The following LRBA variants were observed in gnomAD, a reference collection of about 807,000 sequenced individuals.
LRBA encodes LPS responsive beige-like anchor protein.
Under a neutral mutation model 330.0 loss-of-function variants are expected in LRBA, and 176 were observed. The observed-to-expected ratio is 0.53, with a 90% CI of 0.47 to 0.60. LRBA has a LOEUF of 0.60. LRBA is among the 20% of genes least tolerant of loss of function. LRBA has a pLI of 0.00. For synonymous variants in LRBA, 1,230 were observed against 1,193.0 expected, an observed-to-expected ratio of 1.03 and a Z score of -0.64; for missense variants, 3,259 against 3,444.8, an observed-to-expected ratio of 0.95 and a Z score of 1.35.
Position 150,850,899 on chromosome 4 carries a change from A to G in LRBA, c.3829T>C (p.Ser1277Pro), listed in dbSNP as rs765914410. The G allele has an allele frequency of 1.2e-5, 20 of 1,604,930 alleles. No homozygotes were observed. Among genetic ancestry groups the G allele is most frequent in the Non-Finnish European group, 1.6e-5 (19 of 1,176,610 alleles). The change falls in exon 24 of 57, where the codon TCA becomes CCA. Residue 1277 changes from serine (S) to proline (P), a missense_variant. Coordinates refer to ENST00000651943, the MANE Select transcript of LRBA (RefSeq NM_001364905.1). ...PQPHRHVLEI[S>P]RQHEQPGQGI... ...TGCCCTGGCTGCTCATGTTGCCTTG[A>G]TATCTAATACAGAAATTTAAAAAGT...
intron 40 of LRBA, among the ~76,000 whole-genome samples, chr4:150,534,178 A>AT (rs947678506): frequency 2.0e-5 from 3 of 151,498 alleles, no homozygotes; most frequent in African/African-American, 7.3e-5. Flanking sequence ...AATAATTACA[A>AT]TGTTATATTT....
intron 52 of LRBA, among the ~76,000 whole-genome samples, chr4:150,303,961 AC>A (rs1169618723): frequency 3.3e-5 from 5 of 152,038 alleles, no homozygotes; most frequent in African/African-American, 1.2e-4. Context: ...GCTGTGACAG[AC>A]CCCCATTCCA....
At chr4:150,919,302 G>C (rs1445835582) in intron 5 of LRBA, among the ~76,000 whole-genome samples, 1 of 152,130 alleles carries the variant, frequency 6.6e-6, no homozygotes, top group Non-Finnish European at 1.5e-5. Context: ...ACAACTCTGT[G>C]AACACATTTA....
At chr4:150,772,283 G>A (rs1253949473) in intron 34 of LRBA, among the ~76,000 whole-genome samples, 1 of 152,092 alleles carries the variant, frequency 6.6e-6, no homozygotes, top group Non-Finnish European at 1.5e-5. Context: ...CTATACACCA[G>A]GCCCAAGTCT....
intron 5 of LRBA, among the ~76,000 whole-genome samples, chr4:150,919,170 T>C (rs927158572): frequency 1.3e-5 from 2 of 152,198 alleles, no homozygotes; most frequent in Non-Finnish European, 2.9e-5. Flanking sequence ...AGATGTTGTA[T>C]GATTCCACTA....
intron 17 of LRBA, among the ~76,000 whole-genome samples, chr4:150,890,907 TA>T (rs1216150415): frequency 2.0e-5 from 3 of 152,250 alleles, no homozygotes; most frequent in Non-Finnish European, 4.4e-5. Context: ...ATCTTGCAAT[TA>T]TTTTTTTTTT....
intron 47 of LRBA, among the ~76,000 whole-genome samples, chr4:150,380,005 A>C (rs1463444390): frequency 5.6e-5 from 2 of 35,452 alleles, no homozygotes; most frequent in African/African-American, 2.1e-4. Context: ...TCTACTACTA[A>C]AAAAAAAAAA....
At chr4:150,961,059 C>T (rs552574401) in intron 2 of LRBA, among the ~76,000 whole-genome samples, 3 of 148,966 alleles carry the variant, frequency 2.0e-5, no homozygotes, top group Non-Finnish European at 4.4e-5. Flanking sequence ...CCACTGCATC[C>T]TGATGGTGAT....
intron 40 of LRBA, among the ~76,000 whole-genome samples, chr4:150,518,299 T>C (rs1762574744): frequency 6.6e-6 from 1 of 152,198 alleles, no homozygotes; most frequent in South Asian, 2.1e-4. Flanking sequence ...GAAAGATCCA[T>C]GTCCCAGGCA....
chr4:150,720,433 TA>T (rs1728783771), intron 36 of LRBA, among the ~76,000 whole-genome samples: 2 of 152,012 alleles, frequency 1.3e-5, no homozygotes, highest in Non-Finnish European at 2.9e-5. Context: ...GCTGAAGTCC[TA>T]AATAAACAAA....
chr4:150,855,727 C>T (rs980469429), intron 22 of LRBA, among the ~76,000 whole-genome samples: 3 of 152,076 alleles, frequency 2.0e-5, no homozygotes, highest in Non-Finnish European at 2.9e-5. Flanking sequence ...AATAGTTTTA[C>T]CTGGAGGTCA....
At chr4:150,838,317 C>T (rs1347959739) in intron 28 of LRBA, among the ~76,000 whole-genome samples, 1 of 152,092 alleles carries the variant, frequency 6.6e-6, no homozygotes, top group Non-Finnish European at 1.5e-5. Flanking sequence ...CTCTGTATTT[C>T]CTTAATTTGA....
At chr4:150,818,587 C>T (rs560505593) in intron 30 of LRBA, among the ~76,000 whole-genome samples, 3 of 134,708 alleles carry the variant, frequency 2.2e-5, no homozygotes, top group East Asian at 2.3e-4. Context: ...TGTGTGTGTA[C>T]GTATGTATTA....
intron 33 of LRBA, among the ~76,000 whole-genome samples, chr4:150,802,079 GCATGGTGA>G (rs1341753535): frequency 6.6e-6 from 1 of 150,764 alleles, no homozygotes; most frequent in Non-Finnish European, 1.5e-5. Context: ...CATTAGACGA[GCATGGTGA>G]CATGCGCCTG....
At chr4:150,915,810 G>C in intron 7 of LRBA, 83 bp from the exon 8 acceptor site, 1 of 1,045,484 alleles carries the variant, frequency 9.6e-7, no homozygotes, top group South Asian at 2.5e-5. Flanking sequence ...AAAGTTAAAT[G>C]ATAAGTTGTA....
intron 44 of LRBA, among the ~76,000 whole-genome samples, chr4:150,466,672 A>G (rs1202590846): frequency 6.6e-6 from 1 of 152,088 alleles, no homozygotes; most frequent in Non-Finnish European, 1.5e-5. Context: ...AGACATAAAC[A>G]TTTGTTAGCT....
At chr4:150,518,855 T>A (rs1263092963) in intron 40 of LRBA, among the ~76,000 whole-genome samples, 1 of 152,154 alleles carries the variant, frequency 6.6e-6, no homozygotes, top group East Asian at 1.9e-4. Context: ...TCCATAGGCC[T>A]AATGTAACAA....
At chr4:151,002,107 C>T (rs1743417136) in intron 2 of LRBA, among the ~76,000 whole-genome samples, 1 of 149,068 alleles carries the variant, frequency 6.7e-6, no homozygotes, top group African/African-American at 2.5e-5. Flanking sequence ...AAAGTCCTCC[C>T]CTATGAAAGC....
intron 40 of LRBA, among the ~76,000 whole-genome samples, chr4:150,522,869 G>A (rs1357226680): frequency 1.3e-5 from 2 of 152,200 alleles, no homozygotes; most frequent in Non-Finnish European, 2.9e-5. Flanking sequence ...CTACAGAAGT[G>A]GGGCCACTGA....
Sources: allele counts gnomAD v4.1 joint callset (sites outside exome capture counted in the v4.1 genomes callset), GRCh38; gene constraint gnomAD v4.1.1; transcripts MANE v1.5; gene names NCBI Gene and HGNC (gene_info 2026-07-23, HGNC 2026-07-21).